Variants in NHSL1 observed in about 807,000 individuals in gnomAD.
NHSL1 encodes NHS-like protein 1.
NHSL1 carries 48 observed loss-of-function variants against 95.0 expected under a neutral mutation model. The observed-to-expected ratio is 0.51, with a 90% confidence interval of 0.40 to 0.64. The LOEUF (loss-of-function observed/expected upper bound fraction) is 0.64. Ranked by LOEUF, NHSL1 falls within the 30% of genes least tolerant of loss-of-function variation. NHSL1 has a pLI of 0.00. For missense variants in NHSL1, 1,971 were observed against 2,077.7 expected (o/e 0.95, Z 1.00); for synonymous variants, 783 against 833.9 (o/e 0.94, Z 1.05).
intron 2 of NHSL1, among the ~76,000 whole-genome samples, chr6:138,485,718 C>T (rs993607769): frequency 3.9e-5 from 6 of 152,274 alleles, no homozygotes; most frequent in Non-Finnish European, 7.4e-5. Context: ...ATATTTTTGT[C>T]TGCTCTTTTC....
intron 1 of NHSL1, among the ~76,000 whole-genome samples, chr6:138,496,622 C>T (rs1056102789): frequency 1.2e-4 from 18 of 152,326 alleles, no homozygotes; most frequent in African/African-American, 4.1e-4. Flanking sequence ...CAGTTAACTG[C>T]TTCCCAGCAT....
At chr6:138,665,064 A>G (rs1318882780) in intron 1 of NHSL1, among the ~76,000 whole-genome samples, 1 of 152,248 alleles carries the variant, frequency 6.6e-6, no homozygotes, top group Non-Finnish European at 1.5e-5. Context: ...CACTGAAGCC[A>G]AGTCAGAAAA....
chr6:138,493,127 A>G (rs898266908), intron 2 of NHSL1, among the ~76,000 whole-genome samples: 1 of 152,180 alleles, frequency 6.6e-6, no homozygotes, highest in Non-Finnish European at 1.5e-5. Flanking sequence ...AATAACTGAG[A>G]ACAAAAGAAC....
chr6:138,499,046 T>C (rs569110942), intron 1 of NHSL1, among the ~76,000 whole-genome samples, 187 bp downstream of exon 1: 85 of 152,194 alleles, frequency 5.6e-4, no homozygotes, highest in African/African-American at 1.9e-3. Flanking sequence ...CAACCTGGTA[T>C]AGAGTAGAGT....
intron 1 of NHSL1, among the ~76,000 whole-genome samples, chr6:138,665,286 A>G (rs1045823705): frequency 2.0e-5 from 3 of 152,188 alleles, no homozygotes; most frequent in Admixed American, 2.0e-4. Context: ...ATCTTCAACC[A>G]CACAGACTAA....
chr6:138,431,402 A>G lies in NHSL1; in HGVS notation c.2943T>C (p.Pro981=), dbSNP rs1775650691. The change falls in exon 6 of 8, where the codon CCT becomes CCC. Residue 981 remains proline, a synonymous_variant. Coordinates refer to ENST00000343505, the MANE Select transcript of NHSL1 (RefSeq NM_001144060.2). This position sits in a 1 kb window ranked among gnomAD's most constrained non-coding sequence, Gnocchi z 4.0. ...GGCACCAATCAGGTGGGGAGCAGAA[A>G]GGAATGAGAGCTTCTGGCGGCGGAG... is the stretch of plus-strand genomic sequence containing the variant. The part of the protein sequence containing the change: ...FPPPPPEALI[P]FCSPPDWCLS... 6.5e-7 allele frequency: 1 copy of G among 1,550,070 alleles called. No homozygotes were observed. The highest frequency in any genetic ancestry group is 8.7e-7 in the Non-Finnish European group (1 of 1,146,544).
chr6:138,625,350 C>A (rs1562395431), intron 1 of NHSL1, among the ~76,000 whole-genome samples: 1 of 152,114 alleles, frequency 6.6e-6, no homozygotes. Context: ...ACCATGTTGA[C>A]CAGGCTGGTC....
chr6:138,620,097 GAGATAACA>G (rs1392423742), intron 1 of NHSL1, among the ~76,000 whole-genome samples: 3 of 122,630 alleles, frequency 2.4e-5, no homozygotes, highest in African/African-American at 1.4e-4. Flanking sequence ...GAAAGAAGAT[GAGATAACA>G]AGATAACATT....
At chr6:138,458,819 AAT>A (rs1777799122) in intron 3 of NHSL1, among the ~76,000 whole-genome samples, 1 of 128,552 alleles carries the variant, frequency 7.8e-6, no homozygotes, top group African/African-American at 3.4e-5. Flanking sequence ...AGTACGTGAA[AAT>A]CTGTCTCAAA....
intron 1 of NHSL1, among the ~76,000 whole-genome samples, chr6:138,670,529 A>G (rs1334680308): frequency 4.0e-5 from 6 of 149,276 alleles, no homozygotes; most frequent in East Asian, 2.0e-4. Flanking sequence ...AGCCGGGCGT[A>G]GTGGCGGGCG....
chr6:138,652,486 TA>T (rs1583466990), intron 1 of NHSL1, among the ~76,000 whole-genome samples: 1 of 151,990 alleles, frequency 6.6e-6, no homozygotes, highest in Admixed American at 6.6e-5. Flanking sequence ...CACAGAACTT[TA>T]AAAGCCCAAT....
intron 1 of NHSL1, chr6:138,691,879 G>A (rs1318531232): frequency 2.2e-6 from 1 of 456,692 alleles, no homozygotes; most frequent in East Asian, 6.9e-5. Context: ...CAAAGAGCTG[G>A]TGGGTCAGTC....
At chr6:138,511,980 A>T (rs760235235) in intron 1 of NHSL1, among the ~76,000 whole-genome samples, 4 of 152,220 alleles carry the variant, frequency 2.6e-5, no homozygotes, top group Non-Finnish European at 5.9e-5. Flanking sequence ...AACTTCTCGA[A>T]AATTGCATAG....
At chr6:138,532,793 G>A (rs1478805212) in intron 1 of NHSL1, among the ~76,000 whole-genome samples, 1 of 152,046 alleles carries the variant, frequency 6.6e-6, no homozygotes, top group African/African-American at 2.4e-5. Flanking sequence ...TTTTACTCAC[G>A]GCTAATAGCA....
At chr6:138,602,677 A>G (rs528449951) in intron 1 of NHSL1, among the ~76,000 whole-genome samples, 93 of 152,300 alleles carry the variant, frequency 6.1e-4, no homozygotes, top group Admixed American at 1.3e-3. Flanking sequence ...TTCCATGGAA[A>G]TGCAAATTTT....
chr6:138,681,961 TC>T (rs1346080709), intron 1 of NHSL1, among the ~76,000 whole-genome samples: 1 of 150,168 alleles, frequency 6.7e-6, no homozygotes, highest in African/African-American at 2.5e-5. Flanking sequence ...TGTCTATCCT[TC>T]CAAAGTAAGA....
At chr6:138,582,609 G>A (rs567129683) in intron 1 of NHSL1, among the ~76,000 whole-genome samples, 3 of 152,186 alleles carry the variant, frequency 2.0e-5, no homozygotes, top group Non-Finnish European at 4.4e-5. Context: ...CCAACCCCAA[G>A]TCAGGAGCCT....
At chr6:138,494,853 G>A (rs543594470) in intron 2 of NHSL1, among the ~76,000 whole-genome samples, 1 of 152,186 alleles carries the variant, frequency 6.6e-6, no homozygotes, top group African/African-American at 2.4e-5. Context: ...AAAAGTCTCT[G>A]AATTTTACAA....
At chr6:138,519,293 T>A (rs1031409659) in intron 1 of NHSL1, among the ~76,000 whole-genome samples, 1 of 152,056 alleles carries the variant, frequency 6.6e-6, no homozygotes, top group Non-Finnish European at 1.5e-5. Context: ...AAAAATCTGC[T>A]CTGTCACCCA....
Sources: allele counts gnomAD v4.1 joint callset (sites outside exome capture counted in the v4.1 genomes callset), GRCh38; gene constraint gnomAD v4.1.1; non-coding constraint Gnocchi (gnomAD v3.1); transcripts MANE v1.5; gene names NCBI Gene and HGNC (gene_info 2026-07-23, HGNC 2026-07-21).